FMN1: variants seen among roughly 807,000 people sequenced by gnomAD.
FMN1 encodes formin-1.
FMN1 carries 110 observed loss-of-function variants against 132.4 expected under a neutral mutation model. That is an observed-to-expected ratio of 0.83 (90% CI 0.71 to 0.97). The LOEUF is 0.97. FMN1 is among the 50% of genes least tolerant of loss of function. FMN1 has a pLI of 0.00. For missense variants in FMN1, 1,792 were observed against 1,705.3 expected (o/e 1.05, Z -0.90); for synonymous variants, 722 against 651.7 (o/e 1.11, Z -1.64).
At chr15:32,984,113 C>T (rs1310223506) in intron 7 of FMN1, among the ~76,000 whole-genome samples, 1 of 151,990 alleles carries the variant, frequency 6.6e-6, no homozygotes, top group Non-Finnish European at 1.5e-5. Context: ...TCCATAAATG[C>T]TTCCAAACAA....
At chr15:33,179,310 A>G (rs573057850) in intron 3 of FMN1, among the ~76,000 whole-genome samples, 8 of 148,256 alleles carry the variant, frequency 5.4e-5, no homozygotes, top group Non-Finnish European at 7.6e-5. Flanking sequence ...TAAACAAGGG[A>G]AAAAAATGGA....
Position 33,021,427 on chromosome 15 carries a change from TTCTC to T in FMN1, c.2162-13356_2162-13353del, listed in dbSNP as rs575622577. Among the ~76,000 whole-genome samples, 361 of 151,950 alleles carry T rather than the reference TTCTC, an allele frequency of 2.4e-3. 3 individuals carry two copies. Among genetic ancestry groups the T allele is most frequent in the Non-Finnish European group, 4.6e-4 (31 of 67,946 alleles). On this transcript the variant is annotated intron_variant, in intron 6 of 20. Coordinates refer to ENST00000616417, the MANE Select transcript of FMN1 (RefSeq NM_001277313.2). ...GCAACTGGGGTGGAGTCTCACCAAC[TTCTC>T]TCTCTCTCTATGCATACACACACAC...
chr15:33,176,255 T>C (rs71462854), intron 3 of FMN1, among the ~76,000 whole-genome samples: 36,510 of 151,440 alleles, frequency 0.24, 4,848 homozygotes, highest in Middle Eastern at 0.33. Flanking sequence ...TGCCTGTAAT[T>C]CCAGCACTTT....
intron 6 of FMN1, among the ~76,000 whole-genome samples, chr15:33,013,817 A>G (rs1460671373): frequency 4.6e-5 from 7 of 152,226 alleles, no homozygotes; most frequent in African/African-American, 1.7e-4. Flanking sequence ...AGCTACTTAA[A>G]CCAAGCTTCT....
chr15:32,939,813 AT>A (rs1356179484), intron 9 of FMN1, among the ~76,000 whole-genome samples: 1 of 152,186 alleles, frequency 6.6e-6, no homozygotes, highest in Non-Finnish European at 1.5e-5. Flanking sequence ...TGGACTGGTG[AT>A]CATAGTGATA....
At position 32,895,701 on chromosome 15, in the gene FMN1, CTG is replaced by C. The variant is rs769885312; in HGVS notation, c.3714+3131_3714+3132del. The stretch of plus-strand genomic sequence containing the variant: ...CTTCTATATGTCTTTTGTAAATTGC[CTG>C]TGATATATTTTGCCATTTTTTAAAA... On this transcript the variant is annotated intron_variant, in intron 15 of 20. Transcript: ENST00000616417. 3.3e-5 allele frequency among the ~76,000 whole-genome samples: 5 copies of C among 151,768 alleles called. No individual in the cohort carries two copies. In the South Asian group the frequency reaches 1.0e-3, roughly 32 times the overall value.
chr15:33,055,904 AAGAG>A (rs2037194821), intron 6 of FMN1, among the ~76,000 whole-genome samples: 1 of 152,232 alleles, frequency 6.6e-6, no homozygotes, highest in Non-Finnish European at 1.5e-5. Flanking sequence ...TAATATGAGA[AAGAG>A]AGACAATTCA....
chr15:33,170,184 T>G (rs924284381), intron 3 of FMN1, among the ~76,000 whole-genome samples: 2 of 152,094 alleles, frequency 1.3e-5, no homozygotes, highest in African/African-American at 4.8e-5. Flanking sequence ...CCCCCTTCAA[T>G]ATACAGTGCT....
At chr15:33,170,258 C>T (rs145393145) in intron 3 of FMN1, among the ~76,000 whole-genome samples, 201 of 151,954 alleles carry the variant, frequency 1.3e-3, no homozygotes, top group African/African-American at 4.6e-3. Context: ...TTGACATAAA[C>T]AAAAAATCAA....
At chr15:33,182,030 G>T (rs775590791) in intron 2 of FMN1, among the ~76,000 whole-genome samples, 4 of 152,076 alleles carry the variant, frequency 2.6e-5, no homozygotes, top group Admixed American at 1.3e-4. Flanking sequence ...TTCTTAAAAG[G>T]TCACTCAGAC....
chr15:33,095,258 G>T lies in FMN1; in HGVS notation c.1868-6284C>A, dbSNP rs1041731718. 3.9e-5 allele frequency among the ~76,000 whole-genome samples: 6 copies of T among 152,128 alleles called. 1 individual carries two copies. Among genetic ancestry groups the T allele is most frequent in the South Asian group, 4.2e-4 (2 of 4,818 alleles). ...AGCTACTTGGAAGGCTGAGGCACAA[G>T]AATTGCTTGAACCCGGGAGGCAGAG... On this transcript the variant is annotated intron_variant, in intron 4 of 20. Transcript: ENST00000616417.
At chr15:33,013,075 C>G (rs2034823665) in intron 6 of FMN1, 1 of 407,214 alleles carries the variant, frequency 2.5e-6, no homozygotes, top group Admixed American at 2.8e-5. Context: ...TTAATTACTG[C>G]CAGGAAACAA....
chr15:32,859,243 G>A (rs1031572475), intron 16 of FMN1, among the ~76,000 whole-genome samples: 2 of 152,174 alleles, frequency 1.3e-5, no homozygotes, highest in African/African-American at 2.4e-5. Context: ...AACAAAGGGG[G>A]AAAGGTACAA....
chr15:33,185,243 G>C (rs1224289898), intron 2 of FMN1, among the ~76,000 whole-genome samples: 1 of 152,120 alleles, frequency 6.6e-6, no homozygotes, highest in Non-Finnish European at 1.5e-5. Context: ...TAAAATACCT[G>C]AGCCACCTGT....
At chr15:32,981,980 T>C (rs2032712060) in intron 7 of FMN1, among the ~76,000 whole-genome samples, 1 of 147,838 alleles carries the variant, frequency 6.8e-6, no homozygotes. Flanking sequence ...GGAAAACAAA[T>C]AACGGACACA....
At chr15:33,150,517 A>G (rs1043116204) in intron 4 of FMN1, 38 of 985,282 alleles carry the variant, frequency 3.9e-5, no homozygotes, top group Non-Finnish European at 4.6e-5. Flanking sequence ...GAAATTACAA[A>G]CCCAACAGAA....
At chr15:33,067,868 T>C (rs1307732428) in intron 5 of FMN1, 2 of 1,610,628 alleles carry the variant, frequency 1.2e-6, no homozygotes, top group South Asian at 1.1e-5. Context: ...ATCCAGAGAA[T>C]TATCAACGTT....
At chr15:32,822,881 G>A (rs930283793) in intron 17 of FMN1, among the ~76,000 whole-genome samples, 3 of 152,066 alleles carry the variant, frequency 2.0e-5, no homozygotes, top group African/African-American at 4.8e-5. Context: ...GTTTTTTCAG[G>A]TGTAAATTCT....
At chr15:33,083,273 T>A (rs1044051580) in intron 5 of FMN1, among the ~76,000 whole-genome samples, 1 of 152,244 alleles carries the variant, frequency 6.6e-6, no homozygotes, top group Non-Finnish European at 1.5e-5. Context: ...TTGTAATATT[T>A]GTTTTTTGTC....
Sources: gnomAD v4.1 joint callset for allele counts (sites outside exome capture counted in the v4.1 genomes callset) on GRCh38, gnomAD v4.1.1 for gene constraint, MANE v1.5 for transcripts, NCBI Gene and HGNC (gene_info 2026-07-23, HGNC 2026-07-21) for gene names.